The following UGT2B15 variants were observed in gnomAD, a reference collection of about 807,000 sequenced individuals.
The protein encoded by UGT2B15 is UDP glucuronosyltransferase family 2 member B15.
UGT2B15 carries 36 observed loss-of-function variants against 45.9 expected under a neutral mutation model. The ratio of observed to expected loss-of-function variants is 0.78; its 90% CI spans 0.60 to 1.04. The LOEUF (loss-of-function observed/expected upper bound fraction) is 1.04. UGT2B15 is among the 50% of genes least tolerant of loss of function. UGT2B15 has a pLI of 0.00. For synonymous variants in UGT2B15, 219 were observed against 216.4 expected, an observed-to-expected ratio of 1.01 and a Z score of -0.11; for missense variants, 617 against 622.4, an observed-to-expected ratio of 0.99 and a Z score of 0.09.
intron 5 of UGT2B15, among the ~76,000 whole-genome samples, chr4:68,648,324 T>C (rs1560601910): frequency 6.6e-6 from 1 of 152,128 alleles, no homozygotes; most frequent in Non-Finnish European, 1.5e-5. Flanking sequence ...GGTTTTTCTC[T>C]AAACTCCTGA....
At chr4:68,666,748 A>ATTTTT (rs1455065826) in intron 2 of UGT2B15, among the ~76,000 whole-genome samples, 2,823 of 82,130 alleles carry the variant, frequency 0.034, 116 homozygotes, top group African/African-American at 0.078. Flanking sequence ...ATATATATAT[A>ATTTTT]TATATTTTTT....
rs1486069543 is a variant in UGT2B15 at position 68,670,442 on chromosome 4, C to T, written c.177G>A (p.Ser59=). ...RGHEVTVLTS[S]ASTLVNASKS... is the part of the protein sequence containing the mutation. ...TACTGGCATTGACAAGAGTAGAAGC[C>T]GAAGATGTCAACACAGTCACCTCAT... The change falls in exon 1 of 6, where the codon TCG becomes TCA. Residue 59 remains serine (S), a synonymous_variant. Transcript: ENST00000338206. 4.3e-6 allele frequency: 7 copies of T among 1,613,722 alleles called. No individual in the cohort carries two copies. Among genetic ancestry groups the T allele is most frequent in the South Asian group, 1.1e-5 (1 of 91,012 alleles).
chr4:68,654,181 G>A lies in UGT2B15; in HGVS notation c.1169C>T (p.Pro390Leu). 1 of 1,613,572 alleles carries A rather than the reference G, an allele frequency of 6.2e-7. No homozygotes were observed. Among genetic ancestry groups the A allele is most frequent in the Non-Finnish European group, 8.5e-7 (1 of 1,179,692 alleles). Reference protein sequence around the residue: ...GIYEAIYHGIPMVGIPLFADQ... With the variant: ...GIYEAIYHGILMVGIPLFADQ... ...CGCAAACAAGGGAATGCCCACCATA[G>A]GGATCCCATGGTAGATCGCCTCATA... The change falls in exon 5 of 6, where the codon CCT (proline) becomes CTT (leucine). Residue 390 changes from proline (P) to leucine (L), a missense_variant. Around this residue, in one of 3 missense-constraint regions of UGT2B15, gnomAD observed 265 missense variants for 245.1 expected, o/e 1.08. Transcript: ENST00000338206.
rs574767758 is a variant in UGT2B15 at position 68,649,576 on chromosome 4, C to A, written c.1314-2193G>T. On this transcript the variant is annotated intron_variant, in intron 5 of 5. Coordinates refer to ENST00000338206, the MANE Select transcript of UGT2B15 (RefSeq NM_001076.4). The stretch of plus-strand genomic sequence containing the variant: ...GATTACAGGTGTGAGCCACCACACC[C>A]GGTCTCCATAAACTCTTTTAAAAAT... Among the ~76,000 whole-genome samples the A allele has an allele frequency of 1.9e-3, 287 of 151,844 alleles. 2 individuals are homozygous for A. Among genetic ancestry groups the A allele is most frequent in the Non-Finnish European group, 3.2e-3 (219 of 67,924 alleles).
chr4:68,655,208 T>C (rs1392622220), intron 3 of UGT2B15, 26 bp from the exon 4 acceptor site: 2 of 1,609,082 alleles, frequency 1.2e-6, no homozygotes, highest in Admixed American at 3.3e-5. Flanking sequence ...AAATATCTTG[T>C]TCAATGAATA....
intron 5 of UGT2B15, among the ~76,000 whole-genome samples, chr4:68,648,280 C>G (rs1732541915): frequency 6.6e-6 from 1 of 152,038 alleles, no homozygotes; most frequent in Non-Finnish European, 1.5e-5. Context: ...AGCCCTTTCC[C>G]CCTGTACACT....
chr4:68,661,113 C>G (rs1732953027), intron 3 of UGT2B15, among the ~76,000 whole-genome samples: 1 of 151,916 alleles, frequency 6.6e-6, no homozygotes, highest in Non-Finnish European at 1.5e-5. Flanking sequence ...AAACCTGAGA[C>G]CAGAGACTCA....
chr4:68,663,920 T>C (rs941235106), intron 2 of UGT2B15, among the ~76,000 whole-genome samples: 6 of 152,150 alleles, frequency 3.9e-5, no homozygotes, highest in Admixed American at 3.9e-4. Context: ...TTAAGTGATC[T>C]TATTTCTCAG....
intron 5 of UGT2B15, among the ~76,000 whole-genome samples, chr4:68,648,423 T>C (rs1732547794): frequency 6.6e-6 from 1 of 152,110 alleles, no homozygotes; most frequent in Non-Finnish European, 1.5e-5. Flanking sequence ...GAGGTTTGCT[T>C]CTATTTCTTT....
intron 2 of UGT2B15, among the ~76,000 whole-genome samples, chr4:68,663,887 T>G (rs1286729416): frequency 4.6e-5 from 7 of 152,056 alleles, no homozygotes; most frequent in African/African-American, 1.7e-4. Flanking sequence ...TAATACAGTA[T>G]TATATACTAT....
intron 1 of UGT2B15, 142 bp downstream of exon 1, chr4:68,669,753 T>C: frequency 8.0e-7 from 1 of 1,249,580 alleles, no homozygotes; most frequent in Non-Finnish European, 1.1e-6. Context: ...ATAATATTTT[T>C]GAGACTGATA....
chr4:68,658,309 GA>G (rs78923609), intron 3 of UGT2B15, among the ~76,000 whole-genome samples: 52,894 of 151,168 alleles, frequency 0.35, 9,473 homozygotes, highest in East Asian at 0.52. Flanking sequence ...TACTTTGCCA[GA>G]AAAAAAAGAC....
Position 68,647,312 on chromosome 4 carries a change from A to G in UGT2B15, c.1385T>C (p.Val462Ala). The change falls in exon 6 of 6, where the codon GTC (valine) becomes GCC (alanine). Residue 462 changes from valine (V) to alanine (A), a missense_variant. Val to Ala is a moderately conservative substitution (Grantham distance 64). Coordinates refer to ENST00000338206, the MANE Select transcript of UGT2B15 (RefSeq NM_001076.4). ...DQPMKPLDRA[V>A]FWIEFVMRHK... ...GCGCATGACAAACTCAATCCAGAAG[A>G]CTGCTCGATCCAGGGGCTTCATTGG... is the stretch of plus-strand genomic sequence containing the variant. 6.2e-7 allele frequency: 1 copy of G among 1,613,884 alleles called. No individual in the cohort carries two copies. The highest frequency in any genetic ancestry group is 1.1e-5 in the South Asian group (1 of 91,068).
At chr4:68,653,825 A>G (rs538018399) in intron 5 of UGT2B15, among the ~76,000 whole-genome samples, 45 of 151,982 alleles carry the variant, frequency 3.0e-4, no homozygotes, top group Non-Finnish European at 5.1e-4. Context: ...TGATTTTATA[A>G]TTCATTGCAG....
chr4:68,666,463 C>T (rs1410255398), intron 2 of UGT2B15, among the ~76,000 whole-genome samples: 1 of 151,970 alleles, frequency 6.6e-6, no homozygotes, highest in Non-Finnish European at 1.5e-5. Context: ...GTGTCAGAGA[C>T]AACTTAAGTG....
intron 3 of UGT2B15, among the ~76,000 whole-genome samples, chr4:68,658,198 G>A (rs1732866488): frequency 6.6e-6 from 1 of 151,642 alleles, no homozygotes; most frequent in Admixed American, 6.6e-5. Flanking sequence ...TGCTTAATGT[G>A]TGTATGTATT....
intron 1 of UGT2B15, 57 bp from the exon 2 acceptor site, chr4:68,668,245 A>G: frequency 6.2e-7 from 1 of 1,606,028 alleles, no homozygotes; most frequent in Non-Finnish European, 8.5e-7. Flanking sequence ...TTGTTATTTG[A>G]ATATGCAGGT....
chr4:68,647,767 G>A (rs1405576145), intron 5 of UGT2B15, among the ~76,000 whole-genome samples: 5 of 151,922 alleles, frequency 3.3e-5, no homozygotes, highest in Non-Finnish European at 7.4e-5. Flanking sequence ...CACAGGCTGA[G>A]TGCAGTCACA....
At chr4:68,655,256 A>G in intron 3 of UGT2B15, 74 bp from the exon 4 acceptor site, 2 of 1,512,078 alleles carry the variant, frequency 1.3e-6, no homozygotes, top group South Asian at 1.2e-5. Context: ...TTCTGAAGAG[A>G]TTAATAATCA....
Sources: gnomAD v4.1 joint callset for allele counts (sites outside exome capture counted in the v4.1 genomes callset) on GRCh38, gnomAD v4.1.1 for gene constraint, gnomAD v4.1.1 regional missense constraint, MANE v1.5 for transcripts, NCBI Gene and HGNC (gene_info 2026-07-23, HGNC 2026-07-21) for gene names.